Variants in CELF4 observed in about 807,000 individuals in gnomAD.
CELF4 encodes CUGBP Elav-like family member 4, also known as CUG-BP- and ETR-3-like factor 4.
A neutral mutation model predicts 59.9 loss-of-function variants in CELF4; 18 were observed. That is an observed-to-expected ratio of 0.30 (90% CI 0.21 to 0.45). The LOEUF (loss-of-function observed/expected upper bound fraction) is 0.45, where lower values mean the gene tolerates loss of function less well. Among genes scored for constraint, CELF4 ranks in the 20% least tolerant of loss-of-function variants. The pLI, the probability that CELF4 is intolerant of heterozygous loss-of-function variation, is 1.00. For synonymous variants in CELF4, 261 were observed against 267.1 expected (o/e 0.98, Z 0.22); for missense variants, 456 against 689.0 (o/e 0.66, Z 3.79).
chr18:37,361,426 C>T (rs558881403), intron 2 of CELF4, among the ~76,000 whole-genome samples: 1 of 152,288 alleles, frequency 6.6e-6, no homozygotes, highest in South Asian at 2.1e-4. Flanking sequence ...GGCAGGCTGG[C>T]CAGGCTGGCA....
In CELF4 at chr18:37,436,575, A is replaced by AG. The variant is rs368509553; in HGVS notation, c.369+48949dup. ...GAGTTTCTGTTATTCCTGTTTGCTT[A>AG]GGGGGACAGGTGGCCCCAGCACTTC... is the stretch of plus-strand genomic sequence containing the variant. On this transcript the variant is annotated intron_variant, in intron 2 of 12. Coordinates refer to ENST00000420428, the MANE Select transcript of CELF4 (RefSeq NM_020180.4). 5.3e-3 allele frequency among the ~76,000 whole-genome samples: 805 copies of AG among 152,320 alleles called. 7 individuals carry two copies. Among genetic ancestry groups the AG allele is most frequent in the African/African-American group, 0.018 (758 of 41,578 alleles).
At chr18:37,403,368 G>A (rs2099351654) in intron 2 of CELF4, among the ~76,000 whole-genome samples, 1 of 152,148 alleles carries the variant, frequency 6.6e-6, no homozygotes, top group Non-Finnish European at 1.5e-5. Flanking sequence ...GCAAATGAGG[G>A]GAATGTTTAA....
chr18:37,360,856 T>A (rs144480759), intron 2 of CELF4, among the ~76,000 whole-genome samples: 1 of 152,356 alleles, frequency 6.6e-6, no homozygotes, highest in Non-Finnish European at 1.5e-5. Flanking sequence ...AGCTATGTGA[T>A]TGCGACAAAA....
intron 2 of CELF4, among the ~76,000 whole-genome samples, chr18:37,359,530 C>T (rs1355882956): frequency 4.6e-5 from 7 of 152,052 alleles, no homozygotes; most frequent in African/African-American, 9.7e-5. Flanking sequence ...GACAGGGTCT[C>T]GCTATGTTGC....
At chr18:37,415,281 T>C (rs1304860088) in intron 2 of CELF4, among the ~76,000 whole-genome samples, 1 of 152,220 alleles carries the variant, frequency 6.6e-6, no homozygotes, top group African/African-American at 2.4e-5. Context: ...GTGAACCTGC[T>C]GACCTGGCTG....
chr18:37,304,167 C>A (rs1043359649), intron 3 of CELF4, among the ~76,000 whole-genome samples: 2 of 152,210 alleles, frequency 1.3e-5, no homozygotes, highest in South Asian at 2.1e-4. Context: ...ACCCACGCAA[C>A]CTGGGCTCAC....
At chr18:37,468,901 C>T (rs1244257459) in intron 2 of CELF4, among the ~76,000 whole-genome samples, 1 of 152,174 alleles carries the variant, frequency 6.6e-6, no homozygotes, top group African/African-American at 2.4e-5. Context: ...TACTAGGTCC[C>T]ACTCTTGACA....
At chr18:37,352,624 T>A (rs568643870) in intron 2 of CELF4, among the ~76,000 whole-genome samples, 159 of 151,422 alleles carry the variant, frequency 1.1e-3, no homozygotes, top group Non-Finnish European at 1.8e-3. Context: ...AAAAAAAGAA[T>A]TTTAAGTATC....
At chr18:37,458,003 G>A (rs2099783215) in intron 2 of CELF4, among the ~76,000 whole-genome samples, 1 of 152,184 alleles carries the variant, frequency 6.6e-6, no homozygotes, top group Non-Finnish European at 1.5e-5. Context: ...TGTTGGCAGA[G>A]TGGGTGGGTG....
chr18:37,279,788 C>T (rs1382845643), intron 3 of CELF4, among the ~76,000 whole-genome samples: 4 of 152,284 alleles, frequency 2.6e-5, no homozygotes, highest in Admixed American at 6.5e-5. Context: ...TGGGCAGGAC[C>T]CCGGATAACA....
chr18:37,513,545 T>C (rs752190130), intron 1 of CELF4, among the ~76,000 whole-genome samples: 54 of 152,306 alleles, frequency 3.5e-4, no homozygotes, highest in Non-Finnish European at 6.3e-4. Context: ...ACCATTCTTA[T>C]GGAATGGATT....
intron 2 of CELF4, among the ~76,000 whole-genome samples, chr18:37,435,667 G>T (rs1476736291): frequency 6.6e-6 from 1 of 152,096 alleles, no homozygotes; most frequent in African/African-American, 2.4e-5. Context: ...CCTTCTTCCT[G>T]CCCCCACCTC....
At chr18:37,274,932 G>C (rs1204079232) in intron 4 of CELF4, 48 bp from the exon 5 acceptor site, 1 of 1,586,484 alleles carries the variant, frequency 6.3e-7, no homozygotes, top group Non-Finnish European at 8.6e-7. Flanking sequence ...CAGGGCCAGG[G>C]AGGGGCCGGG....
intron 2 of CELF4, among the ~76,000 whole-genome samples, chr18:37,441,273 CTG>C (rs36008798): frequency 0.27 from 38,989 of 143,146 alleles, 5,249 homozygotes; most frequent in Admixed American, 0.38. Flanking sequence ...CTCAACAATG[CTG>C]TGTGTGTGTG....
intron 1 of CELF4, among the ~76,000 whole-genome samples, chr18:37,530,843 CAG>C (rs147592878): frequency 3.4e-4 from 46 of 135,622 alleles, no homozygotes; most frequent in Admixed American, 3.9e-4. Flanking sequence ...TCAATAAGTA[CAG>C]AGAGAGAGAG....
chr18:37,406,474 G>A (rs114121764), intron 2 of CELF4, among the ~76,000 whole-genome samples: 3,557 of 152,288 alleles, frequency 0.023, 148 homozygotes, highest in African/African-American at 0.08. Context: ...TGCTGGAATG[G>A]AAAAGAGGGT....
At chr18:37,425,602 C>T (rs1409571445) in intron 2 of CELF4, among the ~76,000 whole-genome samples, 4 of 152,214 alleles carry the variant, frequency 2.6e-5, no homozygotes, top group Non-Finnish European at 5.9e-5. Flanking sequence ...TTAAGTCATT[C>T]GTAATTACCT....
chr18:37,352,592 C>G (rs2098464364), intron 2 of CELF4, among the ~76,000 whole-genome samples: 1 of 149,960 alleles, frequency 6.7e-6, no homozygotes, highest in East Asian at 2.0e-4. Context: ...GACCCTGCCT[C>G]TAAAAAAAAA....
intron 3 of CELF4, among the ~76,000 whole-genome samples, chr18:37,277,950 G>A (rs894584686): frequency 1.3e-5 from 2 of 152,124 alleles, no homozygotes; most frequent in Admixed American, 6.6e-5. Flanking sequence ...ATTTACATGC[G>A]GAGACTGCAG....
Sources: gnomAD v4.1 joint callset for allele counts (sites outside exome capture counted in the v4.1 genomes callset) on GRCh38, gnomAD v4.1.1 for gene constraint, MANE v1.5 for transcripts, NCBI Gene and HGNC (gene_info 2026-07-23, HGNC 2026-07-21) for gene names.